GFOD1: variants seen among roughly 807,000 people sequenced by gnomAD.
GFOD1 encodes glucose-fructose oxidoreductase domain-containing protein 1.
Under a neutral mutation model 25.4 loss-of-function variants are expected in GFOD1, and 9 were observed. The ratio of observed to expected loss-of-function variants is 0.35; its 90% CI spans 0.21 to 0.62. GFOD1 has a LOEUF of 0.62. Ranked by LOEUF, GFOD1 falls within the 20% of genes least tolerant of loss-of-function variation. The pLI, the probability that GFOD1 is intolerant of heterozygous loss-of-function variation, is 0.72. For synonymous variants in GFOD1, 253 were observed against 245.6 expected (o/e 1.03, Z -0.28); for missense variants, 403 against 556.9 (o/e 0.72, Z 2.78).
chr6:13,469,788 T>C (rs1240555152), intron 1 of GFOD1: 2 of 1,140,930 alleles, frequency 1.8e-6, no homozygotes, highest in Admixed American at 6.0e-5. Flanking sequence ...CTCTCTACAG[T>C]GAAATTTCTC....
intron 1 of GFOD1, among the ~76,000 whole-genome samples, chr6:13,425,026 T>C (rs560966605): frequency 6.7e-6 from 1 of 148,446 alleles, no homozygotes; most frequent in East Asian, 2.0e-4. Flanking sequence ...TGGTGCAATC[T>C]AGGCTCATTG....
intron 1 of GFOD1, among the ~76,000 whole-genome samples, chr6:13,414,938 G>A (rs1786139038): frequency 6.6e-6 from 1 of 152,144 alleles, no homozygotes; most frequent in Non-Finnish European, 1.5e-5. Flanking sequence ...CAAATGCAAG[G>A]GCTAGAAACA....
At chr6:13,375,395 T>A (rs181175044) in intron 1 of GFOD1, among the ~76,000 whole-genome samples, 76 of 152,322 alleles carry the variant, frequency 5.0e-4, no homozygotes, top group Middle Eastern at 3.4e-3. Context: ...TGCGACTGAC[T>A]GCAGTGAGCT....
chr6:13,471,758 A>T (rs2560813), intron 1 of GFOD1, among the ~76,000 whole-genome samples: 2 of 152,188 alleles, frequency 1.3e-5, no homozygotes, highest in Non-Finnish European at 2.9e-5. Context: ...TGACTGATTT[A>T]CCCATTGCTA....
rs112321159 is a variant in GFOD1, at chr6:13,390,613, G to A, written c.254-24951C>T. On this transcript the variant is annotated intron_variant, in intron 1 of 1. Coordinates refer to ENST00000379287, the MANE Select transcript of GFOD1 (RefSeq NM_018988.4). The stretch of plus-strand genomic sequence containing the variant: ...GTGGTGGTGCATGCCTGTAGTCCCA[G>A]TGACTAGGGAGGCTGAGGCAGGAGG... 8.7e-3 allele frequency among the ~76,000 whole-genome samples: 1,325 copies of A among 151,984 alleles called. 24 individuals are homozygous for A. Among genetic ancestry groups the A allele is most frequent in the African/African-American group, 0.03 (1,255 of 41,408 alleles).
At chr6:13,452,446 C>A (rs1758113693) in intron 1 of GFOD1, among the ~76,000 whole-genome samples, 1 of 152,118 alleles carries the variant, frequency 6.6e-6, no homozygotes, top group Non-Finnish European at 1.5e-5. Context: ...GGTTTATGAA[C>A]AACAGGCAGT....
At chr6:13,385,818 C>T (rs1785462363) in intron 1 of GFOD1, among the ~76,000 whole-genome samples, 1 of 152,170 alleles carries the variant, frequency 6.6e-6, no homozygotes, top group Non-Finnish European at 1.5e-5. Context: ...GAAGTCAAAG[C>T]ACTTATAGAG....
chr6:13,456,733 G>A (rs573581543), intron 1 of GFOD1, among the ~76,000 whole-genome samples: 4 of 152,254 alleles, frequency 2.6e-5, no homozygotes, highest in South Asian at 2.1e-4. Flanking sequence ...TAGAGTGGGC[G>A]GCCTGCACGC....
chr6:13,386,796 T>C (rs1359260587), intron 1 of GFOD1, among the ~76,000 whole-genome samples: 1 of 152,190 alleles, frequency 6.6e-6, no homozygotes, highest in African/African-American at 2.4e-5. Context: ...ATTTCCTCAT[T>C]GGCAAAGCGA....
At chr6:13,479,676 T>C (rs904527774) in intron 1 of GFOD1, among the ~76,000 whole-genome samples, 35 of 152,338 alleles carry the variant, frequency 2.3e-4, no homozygotes, top group African/African-American at 6.5e-4. Context: ...TTCTGCAGAA[T>C]TGCACATTAT....
chr6:13,454,345 T>A (rs1390677146), intron 1 of GFOD1, among the ~76,000 whole-genome samples: 3 of 152,176 alleles, frequency 2.0e-5, no homozygotes, highest in Non-Finnish European at 4.4e-5. Context: ...TCCCGGAAAC[T>A]AATATAAGCC....
chr6:13,406,635 G>A (rs1024668525), intron 1 of GFOD1, among the ~76,000 whole-genome samples: 8 of 152,198 alleles, frequency 5.3e-5, no homozygotes, highest in Non-Finnish European at 1.2e-4. Context: ...CAAAGATCTA[G>A]AGTAGCTCAT....
intron 1 of GFOD1, among the ~76,000 whole-genome samples, chr6:13,420,783 C>T (rs73366945): frequency 0.062 from 9,494 of 152,284 alleles, 375 homozygotes; most frequent in Middle Eastern, 0.12. Context: ...AGAGGACATA[C>T]GCCTAGGCAC....
chr6:13,450,876 T>C (rs1373812435), intron 1 of GFOD1, among the ~76,000 whole-genome samples: 1 of 152,112 alleles, frequency 6.6e-6, no homozygotes, highest in Non-Finnish European at 1.5e-5. Flanking sequence ...CAGCCAAGGG[T>C]CAACTTTGCA....
At chr6:13,407,849 G>A in intron 1 of GFOD1, 3 of 489,222 alleles carry the variant, frequency 6.1e-6, no homozygotes, top group Non-Finnish European at 8.0e-6. Context: ...TTTGTTTAAT[G>A]TAGACGGTGA....
chr6:13,459,845 A>T (rs1758261422), intron 1 of GFOD1, among the ~76,000 whole-genome samples: 1 of 152,216 alleles, frequency 6.6e-6, no homozygotes, highest in Admixed American at 6.5e-5. Context: ...AAAAGTCAAG[A>T]GGCTCATTAC....
chr6:13,397,230 C>T lies in GFOD1; in HGVS notation c.254-31568G>A, dbSNP rs566780799. Reference sequence around the variant, plus strand: ...CTGGGATTACAGGTGCAAGCCATGGCGCCCAGCAAGACAGATTCTTAATAA... The same window carrying T: ...CTGGGATTACAGGTGCAAGCCATGGTGCCCAGCAAGACAGATTCTTAATAA... On this transcript the variant is annotated intron_variant, in intron 1 of 1. Coordinates refer to ENST00000379287, the MANE Select transcript of GFOD1 (RefSeq NM_018988.4). Among the ~76,000 whole-genome samples the T allele has an allele frequency of 1.4e-3, 207 of 152,260 alleles. 2 individuals are homozygous for T. Among genetic ancestry groups the T allele is most frequent in the Non-Finnish European group, 2.3e-3 (156 of 68,026 alleles).
rs1784893123 is a variant in GFOD1, at chr6:13,357,989, C to T, written c.*6754G>A. 1.3e-5 allele frequency: 2 copies of T among 152,288 alleles called. No homozygotes were observed. Among genetic ancestry groups the T allele is most frequent in the Admixed American group, 6.5e-5 (1 of 15,292 alleles). 9.4% of individuals were successfully genotyped at this position (152,288 alleles called of 1,614,324 possible). ...GCATCGAGCATCGCAGAGATCACAA[C>T]GGGCATCAGCTCTGGAGCTCCTAGC... is the stretch of plus-strand genomic sequence containing the variant. On this transcript the variant is annotated 3_prime_UTR_variant, in exon 2 of 2. Transcript: ENST00000379287.
chr6:13,474,872 C>T (rs1009804327), intron 1 of GFOD1, among the ~76,000 whole-genome samples: 4 of 152,164 alleles, frequency 2.6e-5, no homozygotes, highest in Non-Finnish European at 5.9e-5. Context: ...CATGAGCACC[C>T]CTCACCTGGT....
Sources: allele counts gnomAD v4.1 joint callset (sites outside exome capture counted in the v4.1 genomes callset), GRCh38; gene constraint gnomAD v4.1.1; transcripts MANE v1.5; gene names NCBI Gene and HGNC (gene_info 2026-07-23, HGNC 2026-07-21).